Variants in COL21A1 observed in about 807,000 individuals in gnomAD.
COL21A1 encodes the protein collagen alpha-1(XXI) chain.
COL21A1 carries 149 observed loss-of-function variants against 137.9 expected under a neutral mutation model. The observed-to-expected ratio is 1.08, with a 90% confidence interval of 0.95 to 1.24. The LOEUF (loss-of-function observed/expected upper bound fraction) is 1.24, where lower values mean the gene tolerates loss of function less well. Ranked by LOEUF, COL21A1 falls within the 50% of genes most tolerant of loss-of-function variation. The pLI is 0.00. For missense variants in COL21A1, 1,167 were observed against 1,158.4 expected (o/e 1.01, Z -0.11); for synonymous variants, 456 against 391.5 (o/e 1.16, Z -1.95).
intron 1 of COL21A1, among the ~76,000 whole-genome samples, chr6:56,349,328 A>G (rs1481963451): frequency 3.6e-5 from 5 of 137,806 alleles, no homozygotes; most frequent in Non-Finnish European, 4.7e-5. Context: ...TGGCTAAACC[A>G]TAAAGACCCG....
Position 56,179,717 on chromosome 6 carries a change from A to G in COL21A1, c.501T>C (p.Ala167=). 1 of 1,614,020 alleles carries G rather than the reference A, an allele frequency of 6.2e-7. No individual in the cohort carries two copies. Among genetic ancestry groups the G allele is most frequent in the Non-Finnish European group, 8.5e-7 (1 of 1,179,892 alleles). Reference sequence around the variant, plus strand: ...CTTCTGTTTCTGAACCAACACCAATAGCAAATAATGTTATCTTACTATCTC... The same window carrying G: ...CTTCTGTTTCTGAACCAACACCAATGGCAAATAATGTTATCTTACTATCTC... ...AARDSKITLF[A]IGVGSETEDA... Residue 167 remains alanine (A), a synonymous_variant, in exon 3 of 30, where the codon GCT becomes GCC. Coordinates refer to ENST00000244728, the MANE Select transcript of COL21A1 (RefSeq NM_030820.4).
intron 1 of COL21A1, among the ~76,000 whole-genome samples, chr6:56,198,088 G>A (rs554493094): frequency 2.9e-4 from 44 of 152,208 alleles, no homozygotes; most frequent in Non-Finnish European, 5.1e-4. Flanking sequence ...GATAAAGCTG[G>A]AGGACAGTGA....
chr6:56,098,427 A>G (rs867864637), intron 17 of COL21A1, among the ~76,000 whole-genome samples: 1 of 7,688 alleles, frequency 1.3e-4, no homozygotes, highest in East Asian at 4.4e-3. Flanking sequence ...ATATAAATAT[A>G]TAAATATATA....
chr6:56,123,141 T>C (rs1455065868), intron 16 of COL21A1, among the ~76,000 whole-genome samples: 2 of 152,266 alleles, frequency 1.3e-5, no homozygotes, highest in East Asian at 3.8e-4. Flanking sequence ...ATGATGGCTT[T>C]ATTCTCCTCT....
chr6:56,340,867 C>T (rs539387829), intron 1 of COL21A1, among the ~76,000 whole-genome samples: 1 of 152,306 alleles, frequency 6.6e-6, no homozygotes, highest in Admixed American at 6.5e-5. Context: ...AGCAAGTAAT[C>T]TATGTTCTCT....
intron 1 of COL21A1, among the ~76,000 whole-genome samples, chr6:56,359,951 A>G (rs1196104696): frequency 6.6e-6 from 1 of 152,198 alleles, no homozygotes; most frequent in Non-Finnish European, 1.5e-5. Flanking sequence ...AACTAGCAAG[A>G]TATGATGTGC....
At chr6:56,358,032 T>A (rs1765874217) in intron 1 of COL21A1, among the ~76,000 whole-genome samples, 1 of 152,220 alleles carries the variant, frequency 6.6e-6, no homozygotes, top group Non-Finnish European at 1.5e-5. Context: ...AGAATCAATG[T>A]CTAGCTAAGC....
chr6:56,204,156 G>A (rs1315213471), intron 1 of COL21A1, among the ~76,000 whole-genome samples: 1 of 152,008 alleles, frequency 6.6e-6, no homozygotes, highest in African/African-American at 2.4e-5. Flanking sequence ...CCCTGGAAAG[G>A]GGGCGGAAAC....
intron 1 of COL21A1, among the ~76,000 whole-genome samples, chr6:56,293,104 A>G (rs189420719): frequency 2.2e-3 from 340 of 152,340 alleles, no homozygotes; most frequent in African/African-American, 7.7e-3. Flanking sequence ...TTGAGTTTGC[A>G]TTGAATCTAC....
chr6:56,344,065 C>T lies in COL21A1; in HGVS notation c.-39+49906G>A, dbSNP rs544659940. 4.6e-5 allele frequency among the ~76,000 whole-genome samples: 7 copies of T among 152,270 alleles called. No individual in the cohort carries two copies. In the South Asian group the frequency reaches 1.5e-3, roughly 32 times the overall value. On this transcript the variant is annotated intron_variant, in intron 1 of 28. Coordinates refer to the COL21A1 transcript ENST00000370819. ...CAATTTCAAAATTCAAATTTGCCTTCAAAATTTTTCTACATTTTATTTTTG... is the reference window on the plus strand; with the variant it reads ...CAATTTCAAAATTCAAATTTGCCTTTAAAATTTTTCTACATTTTATTTTTG...
intron 1 of COL21A1, among the ~76,000 whole-genome samples, chr6:56,271,772 C>T (rs1380670443): frequency 6.6e-6 from 1 of 152,226 alleles, no homozygotes; most frequent in Non-Finnish European, 1.5e-5. Flanking sequence ...TGTCCTGTGT[C>T]CCAGACACTC....
chr6:56,119,966 C>T (rs1772319585), intron 16 of COL21A1, among the ~76,000 whole-genome samples: 1 of 152,112 alleles, frequency 6.6e-6, no homozygotes, highest in African/African-American at 2.4e-5. Flanking sequence ...TACAGAAAAA[C>T]ATTGGGGGAA....
At chr6:56,247,148 A>G (rs1337208461) in intron 1 of COL21A1, among the ~76,000 whole-genome samples, 2 of 152,216 alleles carry the variant, frequency 1.3e-5, no homozygotes, top group African/African-American at 4.8e-5. Context: ...AGGAATCTGC[A>G]CCCAGAGAAC....
At chr6:56,268,685 T>A (rs543167369) in intron 1 of COL21A1, among the ~76,000 whole-genome samples, 157 of 152,224 alleles carry the variant, frequency 1.0e-3, no homozygotes, top group African/African-American at 3.5e-3. Context: ...CCCTCTCAGA[T>A]GAGAAAGAAT....
chr6:56,195,276 T>C (rs1778945787), intron 1 of COL21A1, among the ~76,000 whole-genome samples: 1 of 152,216 alleles, frequency 6.6e-6, no homozygotes. Flanking sequence ...ATTCTGCTGG[T>C]CCATAGACCA....
At chr6:56,367,572 G>A (rs908964411) in intron 1 of COL21A1, among the ~76,000 whole-genome samples, 3 of 152,206 alleles carry the variant, frequency 2.0e-5, no homozygotes, top group African/African-American at 7.2e-5. Flanking sequence ...CCCTGAGAAT[G>A]GCAGAGCAGC....
chr6:56,090,042 C>T (rs1463294590), intron 17 of COL21A1, among the ~76,000 whole-genome samples: 1 of 152,122 alleles, frequency 6.6e-6, no homozygotes, highest in Non-Finnish European at 1.5e-5. Flanking sequence ...GAGATCAAGA[C>T]CATCCTGGCC....
chr6:56,070,920 G>A (rs962299051), intron 20 of COL21A1, 122 bp from the exon 21 acceptor site: 1 of 776,922 alleles, frequency 1.3e-6, no homozygotes, highest in Non-Finnish European at 2.1e-6. Context: ...CCGATTGTTT[G>A]ATAGACTCTG....
At chr6:56,327,204 T>C (rs1765116157) in intron 1 of COL21A1, among the ~76,000 whole-genome samples, 1 of 151,952 alleles carries the variant, frequency 6.6e-6, no homozygotes, top group Non-Finnish European at 1.5e-5. Context: ...AGATGAGCTT[T>C]AGATTTCATG....
Sources: allele counts gnomAD v4.1 joint callset (sites outside exome capture counted in the v4.1 genomes callset), GRCh38; gene constraint gnomAD v4.1.1; transcripts MANE v1.5; gene names NCBI Gene and HGNC (gene_info 2026-07-23, HGNC 2026-07-21).